TENT2: variants seen among roughly 807,000 people sequenced by gnomAD.
TENT2 encodes poly(A) RNA polymerase GLD2.
TENT2 carries 44 observed loss-of-function variants against 72.2 expected under a neutral mutation model. That is an observed-to-expected ratio of 0.61 (90% CI 0.48 to 0.78). The LOEUF is 0.78. TENT2 is among the 30% of genes least tolerant of loss of function. The probability of loss-of-function intolerance (pLI) is 0.00; values close to 1 mark genes in which losing one functional copy is unlikely to be tolerated. For synonymous variants in TENT2, 212 were observed against 192.5 expected, an observed-to-expected ratio of 1.10 and a Z score of -0.84; for missense variants, 541 against 569.6, an observed-to-expected ratio of 0.95 and a Z score of 0.51.
At chr5:79,622,283 A>C (rs977035372) in intron 3 of TENT2, among the ~76,000 whole-genome samples, 2 of 152,134 alleles carry the variant, frequency 1.3e-5, no homozygotes, top group Non-Finnish European at 2.9e-5. Flanking sequence ...GCCCGGCAAC[A>C]GAGGAAGACT....
At chr5:79,615,672 C>G (rs1759138445) in intron 1 of TENT2, among the ~76,000 whole-genome samples, 1 of 151,526 alleles carries the variant, frequency 6.6e-6, no homozygotes, top group African/African-American at 2.4e-5. Flanking sequence ...TGTTCGTTGC[C>G]AGTCTTGAAT....
Position 79,651,227 on chromosome 5 carries a change from G to A in TENT2, c.1027+2037G>A, listed in dbSNP as rs147269432. ...CCAAATATAAATACATAAATGTCAAGTTCAGGTCTTTTAATTCCAAAAGTT... is the reference window on the plus strand; with the variant it reads ...CCAAATATAAATACATAAATGTCAAATTCAGGTCTTTTAATTCCAAAAGTT... On this transcript the variant is annotated intron_variant, in intron 10 of 14. Transcript: ENST00000453514. Among the ~76,000 whole-genome samples the A allele has an allele frequency of 5.3e-5, 8 of 151,924 alleles. No individual in the cohort carries two copies. The South Asian group carries it at 8.3e-4, about 16-fold the overall frequency.
intron 12 of TENT2, among the ~76,000 whole-genome samples, chr5:79,669,855 T>C (rs980997882): frequency 6.6e-6 from 1 of 152,056 alleles, no homozygotes; most frequent in Non-Finnish European, 1.5e-5. Flanking sequence ...TTATCTGGTG[T>C]GTGGTATATT....
In TENT2 at chr5:79,626,829, A is replaced by G. The variant is rs545549855; in HGVS notation, c.465+3340A>G. Among the ~76,000 whole-genome samples the G allele has an allele frequency of 6.6e-5, 10 of 151,818 alleles. No individual in the cohort carries two copies. In the South Asian group the frequency reaches 2.1e-3, roughly 32 times the overall value. ...TGTATAAATTAAATCAGACCTTTGA[A>G]TGAACGTATAAGAACCTTTTTGCTG... On this transcript the variant is annotated intron_variant, in intron 4 of 14. Transcript: ENST00000453514.
intron 4 of TENT2, among the ~76,000 whole-genome samples, chr5:79,630,398 A>G (rs1774340930): frequency 6.6e-6 from 1 of 152,148 alleles, no homozygotes; most frequent in African/African-American, 2.4e-5. Flanking sequence ...TTCAAGACCA[A>G]CATGGCAAAA....
At chr5:79,616,189 ATTT>A (rs1229523040) in intron 1 of TENT2, among the ~76,000 whole-genome samples, 10,909 of 87,120 alleles carry the variant, frequency 0.13, 640 homozygotes, top group African/African-American at 0.28. Context: ...ACCCGGCCTA[ATTT>A]TTTTTTTTTT....
At chr5:79,659,553 A>ATATATAT (rs1311221056) in intron 11 of TENT2, among the ~76,000 whole-genome samples, 6 of 26,854 alleles carry the variant, frequency 2.2e-4, no homozygotes, top group African/African-American at 1.5e-3. Flanking sequence ...AAAAAAAAAA[A>ATATATAT]ATGTATATAT....
intron 11 of TENT2, among the ~76,000 whole-genome samples, chr5:79,659,301 A>G (rs373659405): frequency 6.6e-6 from 1 of 151,404 alleles, no homozygotes; most frequent in Middle Eastern, 3.4e-3. Context: ...TTGGGAGGCT[A>G]AGGTGGGTGG....
intron 9 of TENT2, 74 bp from the exon 10 acceptor site, chr5:79,648,988 A>G: frequency 8.1e-6 from 12 of 1,477,708 alleles, no homozygotes; most frequent in Non-Finnish European, 1.1e-5. Context: ...TTTGGTATGG[A>G]GCTGGGAAAT....
At position 79,685,186 on chromosome 5, in the gene TENT2, C is replaced by G. The variant is rs762253388; in HGVS notation, c.1381-13C>G. The G allele has an allele frequency of 1.9e-6, 3 of 1,586,960 alleles. No individual in the cohort carries two copies. Among genetic ancestry groups the G allele is most frequent in the Non-Finnish European group, 2.6e-6 (3 of 1,164,372 alleles). On this transcript the variant is annotated splice_polypyrimidine_tract_variant and intron_variant, in intron 14 of 14. Transcript: ENST00000453514. ...ATTTTAGGTTTTAAGAATGATTTTT[C>G]TTTCTCTCCCAGTCATGGCACAGAT... is the stretch of plus-strand genomic sequence containing the variant.
intron 11 of TENT2, among the ~76,000 whole-genome samples, chr5:79,667,273 TAAG>T (rs1490052076): frequency 2.6e-5 from 4 of 152,220 alleles, no homozygotes; most frequent in Middle Eastern, 3.2e-3. Context: ...TCAAAATTAG[TAAG>T]AAGCTTTCAG....
intron 1 of TENT2, chr5:79,617,534 C>A (rs1042044044): frequency 6.6e-6 from 1 of 152,126 alleles, no homozygotes; most frequent in Non-Finnish European, 1.5e-5. Context: ...TCTTAGATAT[C>A]TTCTTGAAGC....
At chr5:79,664,861 T>C (rs1806104871) in intron 11 of TENT2, among the ~76,000 whole-genome samples, 2 of 152,152 alleles carry the variant, frequency 1.3e-5, no homozygotes, top group African/African-American at 4.8e-5. Context: ...ATGATGAAGC[T>C]GAGGAACGCT....
At chr5:79,681,372 A>G (rs1170012870) in intron 13 of TENT2, among the ~76,000 whole-genome samples, 3 of 151,280 alleles carry the variant, frequency 2.0e-5, no homozygotes, top group Non-Finnish European at 2.9e-5. Context: ...GTTGGCCAGG[A>G]TGGTCTCGAT....
chr5:79,658,773 C>T (rs1311273178), intron 11 of TENT2, among the ~76,000 whole-genome samples: 3 of 152,170 alleles, frequency 2.0e-5, no homozygotes, highest in Non-Finnish European at 4.4e-5. Context: ...TATCAGTGTA[C>T]TGTGGTTGGG....
In TENT2 at chr5:79,641,197, G is replaced by A; in HGVS notation, c.672+1G>A. On this transcript the variant is annotated splice_donor_variant, in intron 6 of 14. Transcript: ENST00000453514. LOFTEE classifies it high-confidence loss of function. ...ATGCCTAGTTGTTAAGGAAGAACCAGTAAGTAAGGAAACATTTATTCCAAG... is the reference window on the plus strand; with the variant it reads ...ATGCCTAGTTGTTAAGGAAGAACCAATAAGTAAGGAAACATTTATTCCAAG... The A allele has an allele frequency of 1.9e-6, 3 of 1,546,352 alleles. No individual in the cohort carries two copies. The highest frequency in any genetic ancestry group is 2.6e-6 in the Non-Finnish European group (3 of 1,154,534).
intron 12 of TENT2, among the ~76,000 whole-genome samples, chr5:79,678,052 G>A (rs886537228): frequency 6.6e-6 from 1 of 152,042 alleles, no homozygotes; most frequent in Non-Finnish European, 1.5e-5. Context: ...AATACATGAG[G>A]GATCTAAAAC....
Position 79,688,002 on chromosome 5 carries a change from T to C in TENT2, c.*2729T>C, listed in dbSNP as rs922446209. Among the ~76,000 whole-genome samples the C allele has an allele frequency of 4.9e-5, 7 of 144,030 alleles. No homozygotes were observed. The highest frequency in any genetic ancestry group is 1.9e-4 in the African/African-American group (7 of 37,134). 94.5% of individuals were successfully genotyped at this position (144,030 alleles called of 152,430 possible). On this transcript the variant is annotated 3_prime_UTR_variant, in exon 15 of 15. Coordinates refer to ENST00000453514, the MANE Select transcript of TENT2 (RefSeq NM_001114394.3). Reference sequence around the variant, plus strand: ...GTCTAGCTGGTGTTAAGAGAATAAATATTGCTGATGCTAAACCTGGTTTAG... The same window carrying C: ...GTCTAGCTGGTGTTAAGAGAATAAACATTGCTGATGCTAAACCTGGTTTAG...
At chr5:79,651,483 A>C (rs746968737) in intron 10 of TENT2, among the ~76,000 whole-genome samples, 1 of 152,038 alleles carries the variant, frequency 6.6e-6, no homozygotes, top group Non-Finnish European at 1.5e-5. Context: ...CCATCACTTC[A>C]TAAAAGATGG....
Sources: allele counts gnomAD v4.1 joint callset (sites outside exome capture counted in the v4.1 genomes callset), GRCh38; gene constraint gnomAD v4.1.1; transcripts MANE v1.5; gene names NCBI Gene and HGNC (gene_info 2026-07-23, HGNC 2026-07-21).